KCNC2: variants seen among roughly 807,000 people sequenced by gnomAD.
KCNC2 encodes the protein voltage-gated potassium channel KCNC2.
KCNC2 carries 21 observed loss-of-function variants against 44.5 expected under a neutral mutation model. The observed-to-expected ratio is 0.47, with a 90% CI of 0.33 to 0.68. The LOEUF is 0.68. Ranked by LOEUF, KCNC2 falls within the 30% of genes least tolerant of loss-of-function variation. The pLI is 0.01. For synonymous variants in KCNC2, 391 were observed against 339.1 expected (o/e 1.15, Z -1.68); for missense variants, 589 against 826.2 (o/e 0.71, Z 3.52).
intron 2 of KCNC2, among the ~76,000 whole-genome samples, chr12:75,061,525 G>A (rs908371001): frequency 1.3e-5 from 2 of 150,708 alleles, no homozygotes; most frequent in African/African-American, 4.9e-5. Context: ...CATCTCAAGG[G>A]ATTAACAAAC....
intron 2 of KCNC2, among the ~76,000 whole-genome samples, chr12:75,100,139 T>C (rs1049047696): frequency 6.6e-6 from 1 of 152,132 alleles, no homozygotes; most frequent in Non-Finnish European, 1.5e-5. Flanking sequence ...ATAAAAATGT[T>C]TCCCTTTCTA....
intron 2 of KCNC2, among the ~76,000 whole-genome samples, chr12:75,134,656 C>G (rs913854588): frequency 2.0e-5 from 3 of 151,662 alleles, no homozygotes; most frequent in Non-Finnish European, 3.0e-5. Context: ...GTGGATTCTG[C>G]AAGCCTCTAA....
At chr12:75,154,272 T>C (rs1056801953) in intron 2 of KCNC2, among the ~76,000 whole-genome samples, 1 of 151,900 alleles carries the variant, frequency 6.6e-6, no homozygotes, top group Admixed American at 6.6e-5. Flanking sequence ...TCAGGAGAAA[T>C]GGTTATGGAA....
At chr12:75,080,696 A>C (rs531493796) in intron 2 of KCNC2, among the ~76,000 whole-genome samples, 14 of 152,238 alleles carry the variant, frequency 9.2e-5, no homozygotes, top group African/African-American at 2.6e-4. Context: ...CCCCTTTAGC[A>C]TACAGAATCT....
At chr12:75,092,766 C>CAT (rs1172770073) in intron 2 of KCNC2, among the ~76,000 whole-genome samples, 1 of 151,560 alleles carries the variant, frequency 6.6e-6, no homozygotes, top group African/African-American at 2.4e-5. Flanking sequence ...GCCAAAATCC[C>CAT]TAATACAAGA....
intron 2 of KCNC2, among the ~76,000 whole-genome samples, chr12:75,115,435 C>T (rs565473811): frequency 2.0e-4 from 30 of 152,278 alleles, no homozygotes; most frequent in African/African-American, 7.2e-4. Context: ...AAAATCTGTA[C>T]TCTGTTTTGA....
At chr12:75,110,255 T>C (rs1887125165) in intron 2 of KCNC2, among the ~76,000 whole-genome samples, 1 of 152,170 alleles carries the variant, frequency 6.6e-6, no homozygotes, top group Non-Finnish European at 1.5e-5. Flanking sequence ...TGGTAAATTA[T>C]TCTGAATTCC....
At chr12:75,053,666 A>T (rs1325482941) in intron 2 of KCNC2, among the ~76,000 whole-genome samples, 1 of 150,416 alleles carries the variant, frequency 6.6e-6, no homozygotes, top group African/African-American at 2.4e-5. Context: ...TACTTTGTAA[A>T]TTTGCCAGTT....
chr12:75,117,789 C>T (rs1887777791), intron 2 of KCNC2, among the ~76,000 whole-genome samples: 1 of 151,970 alleles, frequency 6.6e-6, no homozygotes, highest in Non-Finnish European at 1.5e-5. Flanking sequence ...ATAATGCCTT[C>T]TTCATCTGTT....
intron 2 of KCNC2, among the ~76,000 whole-genome samples, chr12:75,153,030 A>G (rs1890514708): frequency 6.6e-6 from 1 of 152,046 alleles, no homozygotes; most frequent in South Asian, 2.1e-4. Flanking sequence ...GCAACAATAA[A>G]CATGGATGAA....
At chr12:75,049,578 G>C (rs1263768973) in intron 3 of KCNC2, among the ~76,000 whole-genome samples, 2 of 152,020 alleles carry the variant, frequency 1.3e-5, no homozygotes, top group Non-Finnish European at 2.9e-5. Context: ...CAATGGGGAG[G>C]AGCAGAGATT....
intron 2 of KCNC2, among the ~76,000 whole-genome samples, chr12:75,127,006 T>C (rs999592117): frequency 6.6e-6 from 1 of 152,180 alleles, no homozygotes; most frequent in Admixed American, 6.5e-5. Context: ...CAGTGCTGTG[T>C]TAAATGTGCC....
chr12:75,066,125 C>T (rs532608244), intron 2 of KCNC2, among the ~76,000 whole-genome samples: 1 of 152,054 alleles, frequency 6.6e-6, no homozygotes, highest in Admixed American at 6.6e-5. Flanking sequence ...TTTTCACCGT[C>T]TTCTTTATCA....
intron 2 of KCNC2, among the ~76,000 whole-genome samples, chr12:75,144,620 T>C (rs952359585): frequency 6.8e-6 from 1 of 146,480 alleles, no homozygotes; most frequent in Admixed American, 7.0e-5. Context: ...GGGTGTACTT[T>C]TGTGTGTGTG....
chr12:75,107,911 T>C (rs902795243), intron 2 of KCNC2, among the ~76,000 whole-genome samples: 1 of 152,108 alleles, frequency 6.6e-6, no homozygotes, highest in Admixed American at 6.5e-5. Context: ...TACATCTAAT[T>C]TACTTTCAAA....
At chr12:75,043,726 G>A (rs1211482948) in intron 4 of KCNC2, 1 of 1,463,074 alleles carries the variant, frequency 6.8e-7, no homozygotes, top group Non-Finnish European at 9.0e-7. Flanking sequence ...TAATCTTCCA[G>A]CTTTATAGGG....
chr12:75,085,262 A>G (rs1884901636), intron 2 of KCNC2, among the ~76,000 whole-genome samples: 1 of 151,946 alleles, frequency 6.6e-6, no homozygotes, highest in African/African-American at 2.4e-5. Flanking sequence ...TGATTATCTT[A>G]TGTTACATAT....
intron 2 of KCNC2, among the ~76,000 whole-genome samples, chr12:75,062,928 T>C (rs890036288): frequency 1.6e-4 from 24 of 152,110 alleles, no homozygotes; most frequent in Admixed American, 3.9e-4. Flanking sequence ...ATCCACAGCT[T>C]CAATGACTAC....
At chr12:75,072,830 T>A (rs146330405) in intron 2 of KCNC2, among the ~76,000 whole-genome samples, 1 of 152,182 alleles carries the variant, frequency 6.6e-6, no homozygotes, top group Non-Finnish European at 1.5e-5. Flanking sequence ...GCCTTCGATC[T>A]GACATGATTT....
Sources: gnomAD v4.1 joint callset for allele counts (sites outside exome capture counted in the v4.1 genomes callset) on GRCh38, gnomAD v4.1.1 for gene constraint, MANE v1.5 for transcripts, NCBI Gene and HGNC (gene_info 2026-07-23, HGNC 2026-07-21) for gene names.